The following ANKRD30B variants were observed in gnomAD, a reference collection of about 807,000 sequenced individuals.
The protein encoded by ANKRD30B is ankyrin repeat domain 30B.
A neutral mutation model predicts 202.2 loss-of-function variants in ANKRD30B; 144 were observed. The observed-to-expected ratio is 0.71, with a 90% CI of 0.62 to 0.82. The LOEUF (loss-of-function observed/expected upper bound fraction) is 0.82, where lower values mean the gene tolerates loss of function less well. Among genes scored for constraint, ANKRD30B ranks in the 40% least tolerant of loss-of-function variants. The probability of loss-of-function intolerance (pLI) is 0.00; values close to 1 mark genes in which losing one functional copy is unlikely to be tolerated. For missense variants in ANKRD30B, 1,487 were observed against 1,669.1 expected, an observed-to-expected ratio of 0.89 and a Z score of 1.90; for synonymous variants, 508 against 561.3, an observed-to-expected ratio of 0.91 and a Z score of 1.34.
intron 16 of ANKRD30B, among the ~76,000 whole-genome samples, chr18:14,792,796 T>C (rs1038116216): frequency 3.9e-5 from 6 of 151,956 alleles, no homozygotes; most frequent in Non-Finnish European, 8.8e-5. Context: ...TATACTAGAA[T>C]GTAAGAACCT....
At chr18:14,827,510 G>A (rs1312171210) in intron 32 of ANKRD30B, among the ~76,000 whole-genome samples, 1 of 152,156 alleles carries the variant, frequency 6.6e-6, no homozygotes, top group Non-Finnish European at 1.5e-5. Context: ...ATAGAGGACA[G>A]TCAGCTGTTT....
rs184130831 is a variant in ANKRD30B at position 14,796,049 on chromosome 18, T to A, written c.1826-172T>A. On this transcript the variant is annotated intron_variant, in intron 16 of 43. Transcript: ENST00000690538. ...TTTTTTAAGTTTTCTTAAGTATATT[T>A]CTGTCCCGTTGGCATGTTAACAAAT... 3.3e-3 allele frequency among the ~76,000 whole-genome samples: 506 copies of A among 152,270 alleles called. 2 individuals are homozygous for A. Among genetic ancestry groups the A allele is most frequent in the Non-Finnish European group, 4.9e-3 (334 of 68,014 alleles).
intron 15 of ANKRD30B, among the ~76,000 whole-genome samples, chr18:14,789,982 G>A (rs1028747260): frequency 6.6e-6 from 1 of 152,178 alleles, no homozygotes; most frequent in East Asian, 1.9e-4. Context: ...TACTTGGGCA[G>A]TATGGCCATT....
chr18:14,849,141 G>A (rs936646254), intron 40 of ANKRD30B, among the ~76,000 whole-genome samples: 8 of 151,582 alleles, frequency 5.3e-5, no homozygotes, highest in Non-Finnish European at 1.2e-4. Flanking sequence ...CAATTTTAAT[G>A]GCTATATAGA....
At chr18:14,864,765 C>A in the ANKRD30B span, among the ~76,000 whole-genome samples, 1 of 152,008 alleles carries the variant, frequency 6.6e-6, no homozygotes, top group Non-Finnish European at 1.5e-5. Flanking sequence ...CTTTCCCCTT[C>A]CATCTACCCA....
At chr18:14,896,439 C>G in the ANKRD30B span, among the ~76,000 whole-genome samples, 4 of 151,848 alleles carry the variant, frequency 2.6e-5, no homozygotes, top group African/African-American at 9.7e-5. Context: ...CCTATCTGCT[C>G]AATTATTTTT....
At chr18:14,883,809 C>A in the ANKRD30B span, 7 of 206,814 alleles carry the variant, frequency 3.4e-5, no homozygotes, top group African/African-American at 4.7e-5. Flanking sequence ...TTGGTTCAAA[C>A]CTTTTCTTAA....
the ANKRD30B span, among the ~76,000 whole-genome samples, chr18:14,922,209 C>A: frequency 6.6e-6 from 1 of 152,056 alleles, no homozygotes. Flanking sequence ...CAGTGGAGAG[C>A]AACACTGGGC....
intron 26 of ANKRD30B, 105 bp downstream of exon 26, chr18:14,808,849 G>T: frequency 1.8e-6 from 2 of 1,118,714 alleles, no homozygotes; most frequent in South Asian, 3.5e-5. Context: ...AAAATTTGGT[G>T]GGAAAATTTG....
At chr18:14,820,021 A>G (rs1437236315) in intron 30 of ANKRD30B, among the ~76,000 whole-genome samples, 1 of 151,710 alleles carries the variant, frequency 6.6e-6, no homozygotes, top group East Asian at 1.9e-4. Flanking sequence ...CATTTGTTTT[A>G]TCCTCTTTTA....
chr18:14,934,392 T>C, the ANKRD30B span, among the ~76,000 whole-genome samples: 1 of 152,184 alleles, frequency 6.6e-6, no homozygotes, highest in Non-Finnish European at 1.5e-5. Flanking sequence ...GCAGTGACAC[T>C]TGCTACCCGG....
intron 3 of ANKRD30B, among the ~76,000 whole-genome samples, chr18:14,754,059 C>G (rs562942178): frequency 1.3e-5 from 2 of 152,022 alleles, no homozygotes; most frequent in South Asian, 4.1e-4. Flanking sequence ...TTTCTAATAG[C>G]CGAGAAAAAA....
rs369029190 is a variant in ANKRD30B at position 14,787,073 on chromosome 18, C to T, written c.1707C>T (p.Asp569=). 238 of 1,608,670 alleles carry T rather than the reference C, an allele frequency of 1.5e-4. 3 individuals are homozygous for T. The highest frequency in any genetic ancestry group is 1.4e-3 in the South Asian group (130 of 90,626). Residue 569 remains aspartate, a synonymous_variant, in exon 15 of 44, where the codon GAC becomes GAT. Coordinates refer to ENST00000690538, the MANE Select transcript of ANKRD30B (RefSeq NM_001367607.2). The part of the protein sequence containing the change: ...QMFPSESKQK[D]DEENSWDSES... ...TCCCATCAGAATCCAAACAAAAGGA[C>T]GATGAAGAAAATTCTTGGGATTCTG...
At chr18:14,794,255 G>A (rs973540533) in intron 16 of ANKRD30B, among the ~76,000 whole-genome samples, 165 of 151,728 alleles carry the variant, frequency 1.1e-3, no homozygotes, top group Admixed American at 2.4e-3. Flanking sequence ...GAACTTCAGG[G>A]ATAATCAGAT....
At position 14,764,036 on chromosome 18, in the gene ANKRD30B, T is replaced by C. The variant is rs746063586; in HGVS notation, c.1171T>C (p.Ser391Pro). Residue 391 changes from serine to proline, a missense_variant, in exon 7 of 44, where the codon TCT (serine) becomes CCT (proline). Transcript: ENST00000690538. ...AACTGAAGTTTTGGAAAAAGGAACA[T>C]CTAATATGATTGCATGTCCTACAAA... ...NKTEVLEKGT[S>P]NMIACPTKET... 6.5e-7 allele frequency: 1 copy of C among 1,541,398 alleles called. No individual in the cohort carries two copies. Among genetic ancestry groups the C allele is most frequent in the Non-Finnish European group, 8.7e-7 (1 of 1,152,144 alleles).
chr18:14,761,956 T>C (rs185601278), intron 6 of ANKRD30B, among the ~76,000 whole-genome samples: 19 of 152,340 alleles, frequency 1.2e-4, no homozygotes, highest in African/African-American at 4.1e-4. Context: ...ATTCCACTGT[T>C]GACCTGGAGC....
At chr18:14,915,033 G>A in the ANKRD30B span, among the ~76,000 whole-genome samples, 3 of 152,188 alleles carry the variant, frequency 2.0e-5, no homozygotes, top group Non-Finnish European at 1.5e-5. Flanking sequence ...TGGTCAGGTA[G>A]AGAAGAATGA....
intron 11 of ANKRD30B, among the ~76,000 whole-genome samples, chr18:14,781,327 C>T (rs553904024): frequency 1.7e-4 from 21 of 125,088 alleles, no homozygotes; most frequent in African/African-American, 6.3e-4. Flanking sequence ...CAGAGTTTCG[C>T]TCAGTCGCCC....
chr18:14,756,696 C>T (rs184676594), intron 4 of ANKRD30B, among the ~76,000 whole-genome samples: 63 of 152,274 alleles, frequency 4.1e-4, no homozygotes, highest in South Asian at 1.5e-3. Flanking sequence ...GAGTTTGAGA[C>T]CAGCCTAGCC....
Sources: gnomAD v4.1 joint callset for allele counts (sites outside exome capture counted in the v4.1 genomes callset) on GRCh38, gnomAD v4.1.1 for gene constraint, MANE v1.5 for transcripts, NCBI Gene and HGNC (gene_info 2026-07-23, HGNC 2026-07-21) for gene names.